DLC1: variants seen among roughly 807,000 people sequenced by gnomAD.
DLC1 encodes DLC1 Rho GTPase activating protein, also known as rho GTPase-activating protein 7.
In DLC1, 54 loss-of-function variants were observed where a neutral mutation model predicts 140.3. The ratio of observed to expected loss-of-function variants is 0.38; its 90% CI spans 0.31 to 0.48. DLC1 has a LOEUF of 0.48. DLC1 is among the 20% of genes least tolerant of loss of function. The pLI is 0.96. For missense variants in DLC1, 2,536 were observed against 1,907.0 expected, an observed-to-expected ratio of 1.33 and a Z score of -6.14; for synonymous variants, 986 against 728.1, an observed-to-expected ratio of 1.35 and a Z score of -5.70.
intron 4 of DLC1, among the ~76,000 whole-genome samples, chr8:13,346,717 C>T (rs909207453): frequency 1.3e-5 from 2 of 152,104 alleles, no homozygotes; most frequent in Non-Finnish European, 2.9e-5. Context: ...CCAATGAAAA[C>T]CCCCCTTTGT....
intron 3 of DLC1, among the ~76,000 whole-genome samples, chr8:13,398,208 T>C (rs1837135681): frequency 6.6e-6 from 1 of 151,680 alleles, no homozygotes; most frequent in African/African-American, 2.4e-5. Context: ...AAAGAGGAGA[T>C]TAAAGTTTGG....
chr8:13,530,814 C>G (rs140039674), intron 1 of DLC1, among the ~76,000 whole-genome samples: 219 of 152,286 alleles, frequency 1.4e-3, no homozygotes, highest in African/African-American at 5.1e-3. Context: ...TACAGCATTT[C>G]ATTTCGGAGT....
At chr8:13,128,766 C>T (rs1458349220) in intron 5 of DLC1, among the ~76,000 whole-genome samples, 1 of 151,246 alleles carries the variant, frequency 6.6e-6, no homozygotes, top group Non-Finnish European at 1.5e-5. Flanking sequence ...ACCCGGGAGG[C>T]GGAGCTTGCA....
chr8:13,506,626 C>CGT (rs2117232540), intron 1 of DLC1, among the ~76,000 whole-genome samples: 1 of 140,742 alleles, frequency 7.1e-6, no homozygotes, highest in Admixed American at 7.8e-5. Context: ...TATATACACA[C>CGT]AGAGAGACAC....
chr8:13,121,009 A>C (rs796220125), intron 5 of DLC1, among the ~76,000 whole-genome samples: 64 of 152,346 alleles, frequency 4.2e-4, no homozygotes, highest in African/African-American at 1.5e-3. Context: ...CTAGCTTCAC[A>C]GGGGGAACTT....
At position 13,223,035 on chromosome 8, in the gene DLC1, G is replaced by A. The variant is rs531774039; in HGVS notation, c.1348+82234C>T. 1.1e-3 allele frequency among the ~76,000 whole-genome samples: 162 copies of A among 152,290 alleles called. 2 individuals are homozygous for A. The highest frequency in any genetic ancestry group is 0.01 in the Admixed American group (160 of 15,288). ...CCCAAAGTGTTGGGATTATAGGTAT[G>A]AACCACCATGCTTGGCCAGACCTTT... On this transcript the variant is annotated intron_variant, in intron 5 of 17. Coordinates refer to ENST00000276297, the MANE Select transcript of DLC1 (RefSeq NM_182643.3).
intron 1 of DLC1, among the ~76,000 whole-genome samples, chr8:13,501,277 C>T (rs531812335): frequency 6.6e-6 from 1 of 152,182 alleles, no homozygotes; most frequent in East Asian, 1.9e-4. Flanking sequence ...CAAACACATA[C>T]CAGGTACCCA....
At chr8:13,593,687 T>A (rs1805593381) in intron 1 of DLC1, among the ~76,000 whole-genome samples, 1 of 152,058 alleles carries the variant, frequency 6.6e-6, no homozygotes, top group African/African-American at 2.4e-5. Flanking sequence ...TACCTAAAAG[T>A]GGGTTACTAT....
intron 4 of DLC1, chr8:13,341,363 C>T (rs373788265): frequency 2.6e-5 from 4 of 152,280 alleles, no homozygotes; most frequent in East Asian, 1.9e-4. Flanking sequence ...TGTGCTATGC[C>T]TTCAGCTTCG....
At chr8:13,243,617 CT>C (rs34674706) in intron 5 of DLC1, among the ~76,000 whole-genome samples, 2 of 152,122 alleles carry the variant, frequency 1.3e-5, no homozygotes, top group African/African-American at 2.4e-5. Flanking sequence ...ATATTTTCTT[CT>C]TTTTTTCTAG....
At chr8:13,149,110 C>A (rs1486725006) in intron 5 of DLC1, among the ~76,000 whole-genome samples, 6 of 152,062 alleles carry the variant, frequency 3.9e-5, no homozygotes, top group African/African-American at 1.2e-4. Flanking sequence ...TTTTATGATA[C>A]TGTTTGGAAA....
intron 4 of DLC1, among the ~76,000 whole-genome samples, chr8:13,370,022 C>T (rs1835661641): frequency 6.6e-6 from 1 of 151,020 alleles, no homozygotes; most frequent in Non-Finnish European, 1.5e-5. Flanking sequence ...AGAAGAATGA[C>T]CTCCTGTGGC....
intron 5 of DLC1, among the ~76,000 whole-genome samples, chr8:13,260,968 A>G (rs1486990062): frequency 1.3e-5 from 2 of 152,204 alleles, no homozygotes; most frequent in East Asian, 1.9e-4. Flanking sequence ...GCATTTGGCA[A>G]TCTGTGTGTA....
At chr8:13,170,385 A>G (rs1825377569) in intron 5 of DLC1, among the ~76,000 whole-genome samples, 1 of 152,236 alleles carries the variant, frequency 6.6e-6, no homozygotes, top group Admixed American at 6.5e-5. Context: ...TGAATTGAAC[A>G]TTAGTAACAT....
At position 13,543,385 on chromosome 8, in the gene DLC1, A is replaced by T. The variant is rs950435183; in HGVS notation, c.-125-43189T>A. On this transcript the variant is annotated intron_variant, in intron 1 of 1. Transcript: ENST00000631382. ...AGCTAGTGCAGTCATCTGGTAAAGA[A>T]TTTTAAAATGTGTCTTTTTGATATA... Among the ~76,000 whole-genome samples, 41 of 152,306 alleles carry T rather than the reference A, an allele frequency of 2.7e-4. No individual in the cohort carries two copies. In the Middle Eastern group the frequency reaches 0.01, roughly 38 times the overall value.
chr8:13,153,852 A>T (rs1022307635), intron 5 of DLC1, among the ~76,000 whole-genome samples: 1 of 152,210 alleles, frequency 6.6e-6, no homozygotes, highest in African/African-American at 2.4e-5. Context: ...AGCTAGACAC[A>T]GAGTGCTGAT....
intron 5 of DLC1, among the ~76,000 whole-genome samples, chr8:13,126,313 T>G (rs774932253): frequency 1.6e-4 from 25 of 151,846 alleles, no homozygotes; most frequent in Admixed American, 1.3e-4. Context: ...CATTTCAACC[T>G]GGGGCAGGAT....
intron 5 of DLC1, among the ~76,000 whole-genome samples, chr8:13,296,236 G>T (rs923006745): frequency 1.3e-5 from 2 of 152,006 alleles, no homozygotes; most frequent in African/African-American, 4.8e-5. Flanking sequence ...AATTACAGTC[G>T]TGAGCCACCA....
chr8:13,369,030 C>T (rs1275367235), intron 4 of DLC1, among the ~76,000 whole-genome samples: 1 of 152,120 alleles, frequency 6.6e-6, no homozygotes, highest in Non-Finnish European at 1.5e-5. Context: ...CCATGTTGGT[C>T]AGGCTGGTCT....
Sources: allele counts gnomAD v4.1 joint callset (sites outside exome capture counted in the v4.1 genomes callset), GRCh38; gene constraint gnomAD v4.1.1; transcripts MANE v1.5; gene names NCBI Gene and HGNC (gene_info 2026-07-23, HGNC 2026-07-21).